GCNT3: variants seen among roughly 807,000 people sequenced by gnomAD.
GCNT3 encodes beta-1,3-galactosyl-O-glycosyl-glycoprotein beta-1,6-N-acetylglucosaminyltransferase 3.
For synonymous variants in GCNT3, 269 were observed against 195.2 expected, an observed-to-expected ratio of 1.38 and a Z score of -3.15; for missense variants, 708 against 530.3, an observed-to-expected ratio of 1.34 and a Z score of -3.29.
In GCNT3 at chr15:59,618,770, G is replaced by A. The variant is rs1296201287; in HGVS notation, c.532G>A (p.Ala178Thr). 3.1e-6 allele frequency: 5 copies of A among 1,614,204 alleles called. No individual in the cohort carries two copies. The highest frequency in any genetic ancestry group is 2.2e-5 in the East Asian group (1 of 44,892). The part of the protein sequence containing the change: ...SPETFKEAVK[A>T]IISCFPNVFI... ...AGAAACTTTCAAAGAGGCGGTCAAA[G>A]CAATTATTTCTTGCTTCCCAAATGT... Residue 178 changes from alanine to threonine, a missense_variant, in exon 3 of 3, where the codon GCA (alanine) becomes ACA (threonine). Transcript: ENST00000396065.
rs755669449 is a variant in GCNT3, at chr15:59,621,586, A to ATTTTCTTTTTTTTT, written c.*2035_*2036insCTTTTTTTTTTTTT. The ATTTTCTTTTTTTTT allele has an allele frequency of 1.1e-5, 1 of 90,842 alleles. No homozygotes were observed. Among genetic ancestry groups the ATTTTCTTTTTTTTT allele is most frequent in the African/African-American group, 4.2e-5 (1 of 23,822 alleles). 5.6% of individuals were successfully genotyped at this position (90,842 alleles called of 1,614,324 possible). On this transcript the variant is annotated 3_prime_UTR_variant, in exon 3 of 3. Transcript: ENST00000396065. ...TCATTAATATGTTTCTTCCTTTCTG[A>ATTTTCTTTTTTTTT]TTTTTGTTTTTTTTTTTTTTTTTGA...
At position 59,619,542 on chromosome 15, in the gene GCNT3, G is replaced by T; in HGVS notation, c.1304G>T (p.Gly435Val). 1.3e-6 allele frequency: 2 copies of T among 1,588,528 alleles called. No individual in the cohort carries two copies. Among genetic ancestry groups the T allele is most frequent in the Non-Finnish European group, 1.7e-6 (2 of 1,161,928 alleles). Residue 435 changes from glycine (G) to valine (V), a missense_variant, in exon 3 of 3, where the codon GGG (glycine) becomes GTG (valine). By Grantham distance (109) the Gly-to-Val change is moderately radical. Transcript: ENST00000396065. ...EEYLRYKAIYGTEL is the reference protein window; with the variant it reads ...EEYLRYKAIYVTEL ...TACCTACGTTATAAGGCCATCTATG[G>T]GACTGAACTTTGAGACACACTATGA...
chr15:59,614,777 T>C (rs117038254), intron 1 of GCNT3, among the ~76,000 whole-genome samples: 2,249 of 152,314 alleles, frequency 0.015, 33 homozygotes, highest in Middle Eastern at 0.027. Flanking sequence ...GCCTTAACCA[T>C]CTGCTAATGC....
In GCNT3 at chr15:59,618,376, A is replaced by G. The variant is rs1430269705; in HGVS notation, c.138A>G (p.Glu46=). Residue 46 remains glutamate (E), a synonymous_variant, in exon 3 of 3, where the codon GAA becomes GAG. Transcript: ENST00000396065. ...DSDHLGLESR[E]SQSQYCRNIL... ...ACCACTTGGGTCTGGAGTCCAGGGA[A>G]TCTCAAAGCCAGTACTGTAGGAATA... is the stretch of plus-strand genomic sequence containing the variant. 2 of 1,613,542 alleles carry G rather than the reference A, an allele frequency of 1.2e-6. No individual in the cohort carries two copies. Among genetic ancestry groups the G allele is most frequent in the East Asian group, 2.2e-5 (1 of 44,864 alleles).
chr15:59,617,342 G>T lies in GCNT3; in HGVS notation c.-61+461G>T, dbSNP rs554872825. ...AGGCTTGTAGACAAAAACACTGGGG[G>T]AGAAGAGAGAGTGGAGAGGAGTCCT... On this transcript the variant is annotated intron_variant, in intron 2 of 2. Coordinates refer to ENST00000396065, the MANE Select transcript of GCNT3 (RefSeq NM_004751.3). 1.6e-4 allele frequency among the ~76,000 whole-genome samples: 25 copies of T among 152,046 alleles called. 1 individual carries two copies. The South Asian group carries it at 5.0e-3, about 30-fold the overall frequency.
rs77086094 is a variant in GCNT3 at position 59,612,990 on chromosome 15, A to C, written c.-251+1009A>C. On this transcript the variant is annotated intron_variant, in intron 1 of 2. Coordinates refer to ENST00000396065, the MANE Select transcript of GCNT3 (RefSeq NM_004751.3). ...GAGTTCAGGAATGCTACTTGTAACC[A>C]CCTTGAGTTATTTTGTCAGTAAAAT... is the stretch of plus-strand genomic sequence containing the variant. Among the ~76,000 whole-genome samples the C allele has an allele frequency of 5.2e-3, 784 of 151,850 alleles. 2 individuals carry two copies. Among genetic ancestry groups the C allele is most frequent in the African/African-American group, 0.018 (747 of 41,374 alleles).
Position 59,614,645 on chromosome 15 carries a change from C to T in GCNT3, c.-250-2047C>T, listed in dbSNP as rs186622154. On this transcript the variant is annotated intron_variant, in intron 1 of 2. Coordinates refer to ENST00000396065, the MANE Select transcript of GCNT3 (RefSeq NM_004751.3). ...AGTGAGGAGGACAGGAGGTCACTCT[C>T]GTCACCATCTTGGTTTTGGTGGGTT... Among the ~76,000 whole-genome samples the T allele has an allele frequency of 1.0e-3, 154 of 152,308 alleles. 1 individual carries two copies. The highest frequency in any genetic ancestry group is 2.1e-3 in the Admixed American group (32 of 15,300).
chr15:59,619,652 C>T lies in GCNT3; in HGVS notation c.*97C>T. 1.3e-6 allele frequency: 1 copy of T among 758,570 alleles called. No individual in the cohort carries two copies. Among genetic ancestry groups the T allele is most frequent in the Non-Finnish European group, 2.3e-6 (1 of 441,954 alleles). The allele number at this position is 758,570 out of a possible 1,614,324, so 47.0% of individuals were successfully genotyped here. On this transcript the variant is annotated 3_prime_UTR_variant, in exon 3 of 3. Coordinates refer to ENST00000396065, the MANE Select transcript of GCNT3 (RefSeq NM_004751.3). ...GTGTGGGTGGGAGACCAGGGCTTTG[C>T]AATTCGTGGCATCCTTTAGGATAAG...
intron 1 of GCNT3, among the ~76,000 whole-genome samples, chr15:59,613,511 G>C (rs1269831175): frequency 6.7e-6 from 1 of 148,652 alleles, no homozygotes; most frequent in Non-Finnish European, 1.5e-5. Context: ...GACCAGCCAG[G>C]GGAACAGCAA....
intron 1 of GCNT3, among the ~76,000 whole-genome samples, chr15:59,613,020 C>A (rs1386304480): frequency 6.6e-6 from 1 of 151,946 alleles, no homozygotes; most frequent in African/African-American, 2.4e-5. Context: ...TAAAATAGGT[C>A]TTTGTGGGCT....
At position 59,620,354 on chromosome 15, in the gene GCNT3, G is replaced by T. The variant is rs2082741953; in HGVS notation, c.*799G>T. On this transcript the variant is annotated 3_prime_UTR_variant, in exon 3 of 3. Coordinates refer to ENST00000396065, the MANE Select transcript of GCNT3 (RefSeq NM_004751.3). ...GGCTAATTTTTGTATTTTTAGTAGAGGCCGGGTTTCACCATATTCGCCAGG... is the reference window on the plus strand; with the variant it reads ...GGCTAATTTTTGTATTTTTAGTAGATGCCGGGTTTCACCATATTCGCCAGG... The T allele has an allele frequency of 1.2e-5, 2 of 166,758 alleles. No individual in the cohort carries two copies. Among genetic ancestry groups the T allele is most frequent in the African/African-American group, 4.8e-5 (2 of 41,374 alleles). The allele number at this position is 166,758 out of a possible 1,614,324, so 10.3% of individuals were successfully genotyped here.
rs1890960386 is a variant in GCNT3, at chr15:59,622,686, T to C, written c.*3131T>C. 6.6e-6 allele frequency: 1 copy of C among 152,214 alleles called. No individual in the cohort carries two copies. The highest frequency in any genetic ancestry group is 1.5e-5 in the Non-Finnish European group (1 of 68,042). The allele number at this position is 152,214 out of a possible 1,614,324, so 9.4% of individuals were successfully genotyped here. A position where few individuals can be genotyped will look rare whatever the true frequency, so the allele number is the denominator to read the frequency against. On this transcript the variant is annotated 3_prime_UTR_variant, in exon 3 of 3. Coordinates refer to ENST00000396065, the MANE Select transcript of GCNT3 (RefSeq NM_004751.3). ...CCAAAAGCTTTCATGTGAAATAATTTATAATTTTTTATATAAATAAAAAGA... is the reference window on the plus strand; with the variant it reads ...CCAAAAGCTTTCATGTGAAATAATTCATAATTTTTTATATAAATAAAAAGA...
rs903552329 is a variant in GCNT3 at position 59,618,727 on chromosome 15, T to C, written c.489T>C (p.His163=). The part of the protein sequence containing the change: ...VYAPQNIYCV[H]VDEKSPETFK... The stretch of plus-strand genomic sequence containing the variant: ...CCCCTCAGAACATATACTGTGTCCA[T>C]GTGGATGAGAAGTCCCCAGAAACTT... The change falls in exon 3 of 3, where the codon CAT becomes CAC. Residue 163 remains histidine (H), a synonymous_variant. Transcript: ENST00000396065. The C allele has an allele frequency of 4.3e-6, 7 of 1,614,166 alleles. No individual in the cohort carries two copies. The highest frequency in any genetic ancestry group is 2.7e-5 in the African/African-American group (2 of 75,056).
rs770331140 is a variant in GCNT3 at position 59,618,388 on chromosome 15, G to A, written c.150G>A (p.Gln50=). The A allele has an allele frequency of 6.2e-7, 1 of 1,614,128 alleles. No homozygotes were observed. Among genetic ancestry groups the A allele is most frequent in the South Asian group, 1.1e-5 (1 of 91,086 alleles). ...TGGAGTCCAGGGAATCTCAAAGCCA[G>A]TACTGTAGGAATATCTTGTATAATT... The part of the protein sequence containing the change: ...LGLESRESQS[Q]YCRNILYNFL... The change falls in exon 3 of 3, where the codon CAG becomes CAA. Residue 50 remains glutamine (Q), a synonymous_variant. Transcript: ENST00000396065.
At chr15:59,614,255 C>T (rs1310130352) in intron 1 of GCNT3, among the ~76,000 whole-genome samples, 1 of 152,122 alleles carries the variant, frequency 6.6e-6, no homozygotes, top group Non-Finnish European at 1.5e-5. Flanking sequence ...CTGAGAATCC[C>T]AGTACCGCAG....
rs72144814 is a variant in GCNT3 at position 59,621,586 on chromosome 15, A to ATTTTTTTTTTTTTTTTTTTTTTTTTTT, written c.*2036_*2037insTTTTTTTTTTTTTTTTTTTTTTTTTTT. 9 of 90,846 alleles carry ATTTTTTTTTTTTTTTTTTTTTTTTTTT rather than the reference A, an allele frequency of 9.9e-5. 3 individuals carry two copies. The highest frequency in any genetic ancestry group is 1.6e-4 in the Non-Finnish European group (8 of 50,212). 5.6% of individuals were successfully genotyped at this position (90,846 alleles called of 1,614,324 possible). A position where few individuals can be genotyped will look rare whatever the true frequency, so the allele number is the denominator to read the frequency against. On this transcript the variant is annotated 3_prime_UTR_variant, in exon 3 of 3. Coordinates refer to ENST00000396065, the MANE Select transcript of GCNT3 (RefSeq NM_004751.3). ...TCATTAATATGTTTCTTCCTTTCTG[A>ATTTTTTTTTTTTTTTTTTTTTTTTTTT]TTTTTGTTTTTTTTTTTTTTTTTGA...
In GCNT3 at chr15:59,620,957, C is replaced by T. The variant is rs1309271992; in HGVS notation, c.*1402C>T. ...GGAGTGCAGTGGCATGATCTTGGCT[C>T]ACTGAAGCCTCTGCCTCCCAGGTTC... On this transcript the variant is annotated 3_prime_UTR_variant, in exon 3 of 3. Coordinates refer to ENST00000396065, the MANE Select transcript of GCNT3 (RefSeq NM_004751.3). 2 of 130,682 alleles carry T rather than the reference C, an allele frequency of 1.5e-5. No homozygotes were observed. Among genetic ancestry groups the T allele is most frequent in the Non-Finnish European group, 3.1e-5 (2 of 64,518 alleles). The allele number at this position is 130,682 out of a possible 1,614,324, so 8.1% of individuals were successfully genotyped here. A position where few individuals can be genotyped will look rare whatever the true frequency, so the allele number is the denominator to read the frequency against.
rs528408268 is a variant in GCNT3, at chr15:59,615,067, A to G, written c.-250-1625A>G. 3.3e-5 allele frequency: 5 copies of G among 152,232 alleles called. No homozygotes were observed. In the East Asian group the frequency reaches 7.7e-4, roughly 24 times the overall value. 9.4% of individuals were successfully genotyped at this position (152,232 alleles called of 1,614,324 possible). Reference sequence around the variant, plus strand: ...CTTCAGGAGAAATCCACCCTTCTCAACTCTACTTTGTAATGCTGGAGGTTA... The same window carrying G: ...CTTCAGGAGAAATCCACCCTTCTCAGCTCTACTTTGTAATGCTGGAGGTTA... On this transcript the variant is annotated intron_variant, in intron 1 of 2. Transcript: ENST00000396065.
intron 2 of GCNT3, among the ~76,000 whole-genome samples, chr15:59,617,218 C>T (rs1391709453): frequency 2.3e-5 from 3 of 131,162 alleles, no homozygotes; most frequent in Non-Finnish European, 4.7e-5. Context: ...CTTCATCGGA[C>T]AGTGAAATTT....
Sources: allele counts gnomAD v4.1 joint callset (sites outside exome capture counted in the v4.1 genomes callset), GRCh38; gene constraint gnomAD v4.1.1; transcripts MANE v1.5; gene names NCBI Gene and HGNC (gene_info 2026-07-23, HGNC 2026-07-21).